The following PTPRD variants were observed in gnomAD, a reference collection of about 807,000 sequenced individuals.
The protein encoded by PTPRD is receptor-type tyrosine-protein phosphatase delta.
A neutral mutation model predicts 214.5 loss-of-function variants in PTPRD; 34 were observed. The observed-to-expected ratio is 0.16, with a 90% confidence interval of 0.12 to 0.21. PTPRD has a LOEUF of 0.21. Among genes scored for constraint, PTPRD ranks in the 10% least tolerant of loss-of-function variants. The probability of loss-of-function intolerance (pLI) is 1.00; values close to 1 mark genes in which losing one functional copy is unlikely to be tolerated. For missense variants in PTPRD, 2,545 were observed against 2,398.7 expected, an observed-to-expected ratio of 1.06 and a Z score of -1.27; for synonymous variants, 1,128 against 845.7, an observed-to-expected ratio of 1.33 and a Z score of -5.79.
intron 12 of PTPRD, among the ~76,000 whole-genome samples, chr9:8,719,404 T>C (rs1366611828): frequency 6.6e-6 from 1 of 152,230 alleles, no homozygotes; most frequent in Non-Finnish European, 1.5e-5. Context: ...TAAACATTAC[T>C]AACAAAGCAA....
intron 5 of PTPRD, among the ~76,000 whole-genome samples, chr9:9,797,762 C>T (rs908354339): frequency 6.6e-6 from 1 of 152,100 alleles, no homozygotes. Flanking sequence ...GCAGGAGATT[C>T]ACTTGACCCC....
intron 2 of PTPRD, among the ~76,000 whole-genome samples, chr9:10,510,950 G>A (rs1016905997): frequency 1.3e-5 from 2 of 152,030 alleles, no homozygotes; most frequent in Non-Finnish European, 2.9e-5. Flanking sequence ...GGGAACGTAA[G>A]ACATTTGTAT....
intron 11 of PTPRD, among the ~76,000 whole-genome samples, chr9:8,978,933 T>G (rs2099287823): frequency 6.6e-6 from 1 of 152,256 alleles, no homozygotes; most frequent in African/African-American, 2.4e-5. Context: ...GAGTTGACTT[T>G]GAACGACATT....
chr9:9,344,522 C>G (rs1023045043), intron 9 of PTPRD, among the ~76,000 whole-genome samples: 1 of 151,546 alleles, frequency 6.6e-6, no homozygotes, highest in Non-Finnish European at 1.5e-5. Context: ...AAAAAGAAAG[C>G]TAACTCATCT....
intron 3 of PTPRD, among the ~76,000 whole-genome samples, chr9:10,169,525 C>A (rs2099186952): frequency 7.0e-6 from 1 of 143,658 alleles, no homozygotes; most frequent in African/African-American, 2.6e-5. Context: ...CTTGTAATGA[C>A]AGAGAACTGA....
chr9:10,041,418 G>C (rs545736625), intron 3 of PTPRD, among the ~76,000 whole-genome samples: 16 of 151,902 alleles, frequency 1.1e-4, no homozygotes, highest in African/African-American at 3.6e-4. Flanking sequence ...ACAGAAAGTA[G>C]TTTTCTGAGT....
chr9:9,989,037 A>AGC (rs1313247997), intron 4 of PTPRD, among the ~76,000 whole-genome samples: 1 of 121,364 alleles, frequency 8.2e-6, no homozygotes, highest in Non-Finnish European at 1.9e-5. Context: ...AAAAAAAAAA[A>AGC]AAAAAAAACC....
intron 37 of PTPRD, among the ~76,000 whole-genome samples, chr9:8,386,027 G>T (rs2086895616): frequency 6.6e-6 from 1 of 152,184 alleles, no homozygotes; most frequent in Non-Finnish European, 1.5e-5. Flanking sequence ...AACTGAAGTT[G>T]TCACTGTAAA....
At chr9:8,525,812 T>C (rs563847993) in intron 17 of PTPRD, among the ~76,000 whole-genome samples, 2 of 151,950 alleles carry the variant, frequency 1.3e-5, no homozygotes, top group South Asian at 4.2e-4. Context: ...CAGTGTGGTG[T>C]CACAAAACCC....
At chr9:9,088,193 C>T (rs2099770181) in intron 10 of PTPRD, among the ~76,000 whole-genome samples, 1 of 151,666 alleles carries the variant, frequency 6.6e-6, no homozygotes, top group Non-Finnish European at 1.5e-5. Flanking sequence ...GAGCCCTAAA[C>T]TTTTGATTCT....
intron 5 of PTPRD, among the ~76,000 whole-genome samples, chr9:9,858,863 C>T (rs766609234): frequency 1.2e-4 from 19 of 152,098 alleles, no homozygotes; most frequent in Admixed American, 1.3e-4. Context: ...TTAATCCAAC[C>T]CATCCATTTC....
chr9:8,750,635 A>G (rs1246864163), intron 11 of PTPRD, among the ~76,000 whole-genome samples: 1 of 152,174 alleles, frequency 6.6e-6, no homozygotes, highest in Non-Finnish European at 1.5e-5. Context: ...ACAAGAAGAA[A>G]TGCAGAAAAG....
At position 8,878,072 on chromosome 9, in the gene PTPRD, T is replaced by C. The variant is rs113995932; in HGVS notation, c.-104+140625A>G. On this transcript the variant is annotated intron_variant, in intron 11 of 45. Transcript: ENST00000381196. ...TAATTGAGTTTGAAGATAAAGTGCTTTACAGCCCTTAGAAGTGGTTTGTAT... is the reference window on the plus strand; with the variant it reads ...TAATTGAGTTTGAAGATAAAGTGCTCTACAGCCCTTAGAAGTGGTTTGTAT... Among the ~76,000 whole-genome samples, 1,111 of 152,296 alleles carry C rather than the reference T, an allele frequency of 7.3e-3. 16 individuals carry two copies. The highest frequency in any genetic ancestry group is 0.026 in the African/African-American group (1,076 of 41,552).
chr9:9,601,757 T>G (rs2093786857), intron 7 of PTPRD, among the ~76,000 whole-genome samples: 1 of 152,028 alleles, frequency 6.6e-6, no homozygotes, highest in Non-Finnish European at 1.5e-5. Context: ...ATTGTTCTGG[T>G]GGAAACTACA....
chr9:9,487,138 C>T (rs2095675325), intron 8 of PTPRD, among the ~76,000 whole-genome samples: 1 of 152,018 alleles, frequency 6.6e-6, no homozygotes, highest in Non-Finnish European at 1.5e-5. Flanking sequence ...TATACATGTG[C>T]CATGTTGGTG....
intron 5 of PTPRD, among the ~76,000 whole-genome samples, chr9:9,924,392 T>C (rs2083552063): frequency 6.6e-6 from 1 of 152,094 alleles, no homozygotes; most frequent in Non-Finnish European, 1.5e-5. Flanking sequence ...GCCATTATTC[T>C]GTTGCTGTTA....
At chr9:8,726,655 G>A (rs765653119) in intron 12 of PTPRD, among the ~76,000 whole-genome samples, 124 of 102,390 alleles carry the variant, frequency 1.2e-3, no homozygotes, top group Non-Finnish European at 2.1e-3. Flanking sequence ...ATATATGACA[G>A]CCAGGTGTGG....
intron 14 of PTPRD, among the ~76,000 whole-genome samples, chr9:8,558,610 G>A (rs1290292320): frequency 2.0e-5 from 3 of 152,208 alleles, no homozygotes; most frequent in African/African-American, 7.2e-5. Context: ...TTACATGGCA[G>A]GCCAGATGAA....
chr9:8,853,922 C>G (rs547737661), intron 11 of PTPRD, among the ~76,000 whole-genome samples: 41 of 152,128 alleles, frequency 2.7e-4, no homozygotes, highest in African/African-American at 8.9e-4. Flanking sequence ...CTCCATAAAA[C>G]CAAAAGAGAT....
Sources: allele counts gnomAD v4.1 joint callset (sites outside exome capture counted in the v4.1 genomes callset), GRCh38; gene constraint gnomAD v4.1.1; transcripts MANE v1.5; gene names NCBI Gene and HGNC (gene_info 2026-07-23, HGNC 2026-07-21).